FABP7: variants seen among roughly 807,000 people sequenced by gnomAD.
The protein encoded by FABP7 is fatty acid binding protein 7, also known as fatty acid-binding protein, brain.
In FABP7, 13 loss-of-function variants were observed where a neutral mutation model predicts 14.2. That is an observed-to-expected ratio of 0.91 (90% confidence interval 0.59 to 1.45). FABP7 has a LOEUF of 1.45. Among genes scored for constraint, FABP7 ranks in the 40% most tolerant of loss-of-function variants. The pLI is 0.00. For synonymous variants in FABP7, 49 were observed against 51.4 expected (o/e 0.95, Z 0.20); for missense variants, 149 against 157.6 (o/e 0.95, Z 0.29).
the FABP7 span, among the ~76,000 whole-genome samples, chr6:122,750,708 A>C: frequency 1.3e-5 from 2 of 152,224 alleles, no homozygotes; most frequent in African/African-American, 4.8e-5. Context: ...TAAACAAAGA[A>C]GACAAGAAAC....
Position 122,781,148 on chromosome 6 carries a change from A to C in FABP7, c.302A>C (p.Lys101Thr). The C allele has an allele frequency of 6.2e-7, 1 of 1,614,086 alleles. No individual in the cohort carries two copies. Among genetic ancestry groups the C allele is most frequent in the East Asian group, 2.2e-5 (1 of 44,862 alleles). Residue 101 changes from lysine to threonine, a missense_variant, in exon 3 of 4, where the codon AAA (lysine) becomes ACA (threonine). By Grantham distance (78) the Lys-to-Thr change is moderately conservative. Coordinates refer to ENST00000368444, the MANE Select transcript of FABP7 (RefSeq NM_001446.5). ...KLVHIQKWDGKETNFVREIKD... is the reference protein window; with the variant it reads ...KLVHIQKWDGTETNFVREIKD... ...GTTCACATACAGAAATGGGATGGCA[A>C]AGAAACAAATTTTGTAAGAGAAATT...
the FABP7 span, among the ~76,000 whole-genome samples, chr6:122,750,574 A>G: frequency 3.9e-5 from 6 of 152,136 alleles, no homozygotes; most frequent in African/African-American, 1.4e-4. Flanking sequence ...TTTGTTACCC[A>G]TGTCTTTGGA....
chr6:122,777,494 C>G (rs1296192979), upstream of FABP7, among the ~76,000 whole-genome samples: 3 of 152,092 alleles, frequency 2.0e-5, no homozygotes, highest in Non-Finnish European at 2.9e-5. Flanking sequence ...AACTGACAGG[C>G]ATTCATGTTA....
chr6:122,782,435 T>C, intron 3 of FABP7: 1 of 768,642 alleles, frequency 1.3e-6, no homozygotes, highest in Non-Finnish European at 1.6e-6. Flanking sequence ...GATCCATTTC[T>C]GACTCCATCT....
At chr6:122,778,378 T>C (rs1349171657), upstream of FABP7, among the ~76,000 whole-genome samples, 1 of 152,178 alleles carries the variant, frequency 6.6e-6, no homozygotes, top group Admixed American at 6.5e-5. Context: ...CTACAGTTTT[T>C]GTTAAACAAG....
chr6:122,780,259 T>C (rs1223081936), intron 1 of FABP7, 32 bp from the exon 2 acceptor site: 1 of 1,610,972 alleles, frequency 6.2e-7, no homozygotes, highest in Non-Finnish European at 8.5e-7. Context: ...TGGAAGTCGC[T>C]GCAGACTGTA....
Position 122,783,878 on chromosome 6 carries a change from T to C in FABP7, c.*111T>C. On this transcript the variant is annotated 3_prime_UTR_variant, in exon 4 of 4. Coordinates refer to ENST00000368444, the MANE Select transcript of FABP7 (RefSeq NM_001446.5). ...TCATTAATTAGAAGGTTATCCTTGG[T>C]GTGGAGGTGGAAAATGGTGATTTAA... The C allele has an allele frequency of 1.2e-6, 1 of 861,074 alleles. No individual in the cohort carries two copies. The allele number at this position is 861,074 out of a possible 1,614,324, so 53.3% of individuals were successfully genotyped here. A position where few individuals can be genotyped will look rare whatever the true frequency, so the allele number is the denominator to read the frequency against.
the FABP7 span, among the ~76,000 whole-genome samples, chr6:122,769,181 C>T: frequency 3.9e-5 from 6 of 152,126 alleles, no homozygotes; most frequent in Admixed American, 2.6e-4. Flanking sequence ...CATGAAAACT[C>T]ACCTCAGGGT....
At position 122,780,176 on chromosome 6, in the gene FABP7, G is replaced by A. The variant is rs1261097958; in HGVS notation, c.74-115G>A. 3.5e-6 allele frequency: 4 copies of A among 1,140,314 alleles called. No individual in the cohort carries two copies. In the East Asian group the frequency reaches 9.8e-5, roughly 28 times the overall value. The allele number at this position is 1,140,314 out of a possible 1,614,324, so 70.6% of individuals were successfully genotyped here. On this transcript the variant is annotated intron_variant, in intron 1 of 3. Coordinates refer to ENST00000368444, the MANE Select transcript of FABP7 (RefSeq NM_001446.5). Reference sequence around the variant, plus strand: ...TTTACATGATTAATGGGCTAATCATGTTCTAATGAAACTTACACTTTAGAA... The same window carrying A: ...TTTACATGATTAATGGGCTAATCATATTCTAATGAAACTTACACTTTAGAA...
At chr6:122,752,101 T>G in the FABP7 span, among the ~76,000 whole-genome samples, 1 of 152,028 alleles carries the variant, frequency 6.6e-6, no homozygotes, top group African/African-American at 2.4e-5. Context: ...CCAATTTTCT[T>G]TGTTAGCAAA....
At chr6:122,759,617 GA>G in the FABP7 span, among the ~76,000 whole-genome samples, 2 of 152,154 alleles carry the variant, frequency 1.3e-5, no homozygotes, top group South Asian at 4.2e-4. Context: ...GTTTAACTGT[GA>G]CAATAATGCT....
chr6:122,761,513 A>C, the FABP7 span, among the ~76,000 whole-genome samples: 3 of 152,184 alleles, frequency 2.0e-5, no homozygotes, highest in Admixed American at 1.3e-4. Flanking sequence ...ATCTTCTCGT[A>C]ATAGGATTTC....
the FABP7 span, among the ~76,000 whole-genome samples, chr6:122,768,855 G>A: frequency 6.6e-6 from 1 of 152,030 alleles, no homozygotes; most frequent in African/African-American, 2.4e-5. Context: ...TAAAAGAGAT[G>A]GCTACATTAC....
the FABP7 span, among the ~76,000 whole-genome samples, chr6:122,760,923 T>C: frequency 6.6e-6 from 1 of 152,178 alleles, no homozygotes; most frequent in Non-Finnish European, 1.5e-5. Context: ...GATTAGTACA[T>C]GGTTCCTCAT....
At chr6:122,753,886 C>T in the FABP7 span, among the ~76,000 whole-genome samples, 4 of 148,932 alleles carry the variant, frequency 2.7e-5, no homozygotes, top group Non-Finnish European at 5.9e-5. Flanking sequence ...CAGACAGCTA[C>T]CATTCAGAGG....
chr6:122,778,795 G>A (rs572654728), upstream of FABP7, among the ~76,000 whole-genome samples: 1 of 152,294 alleles, frequency 6.6e-6, no homozygotes, highest in East Asian at 1.9e-4. Context: ...CCCAACAAAT[G>A]TACACAGATT....
In FABP7 at chr6:122,779,886, G is replaced by A. The variant is rs1780740013; in HGVS notation, c.73+19G>A. ...GCTCTAGGTAGGTAACAATAAGACC[G>A]GCTGTTCTCTTCTCAACGTGCAGCT... On this transcript the variant is annotated intron_variant, in intron 1 of 3. Coordinates refer to ENST00000368444, the MANE Select transcript of FABP7 (RefSeq NM_001446.5). The A allele has an allele frequency of 1.2e-6, 2 of 1,609,802 alleles. No individual in the cohort carries two copies. The highest frequency in any genetic ancestry group is 1.1e-5 in the South Asian group (1 of 90,860).
At chr6:122,780,654 T>C (rs1780760921) in intron 2 of FABP7, 191 bp downstream of exon 2, 4 of 628,706 alleles carry the variant, frequency 6.4e-6, no homozygotes, top group Non-Finnish European at 1.1e-5. Context: ...TGCTATAGCA[T>C]AAATCTCAGT....
the FABP7 span, among the ~76,000 whole-genome samples, chr6:122,758,105 CTT>C: frequency 1.3e-4 from 15 of 118,362 alleles, no homozygotes; most frequent in Admixed American, 1.9e-4. Context: ...TATTATCTAG[CTT>C]TTTTTTTTTT....
Sources: gnomAD v4.1 joint callset for allele counts (sites outside exome capture counted in the v4.1 genomes callset) on GRCh38, gnomAD v4.1.1 for gene constraint, MANE v1.5 for transcripts, NCBI Gene and HGNC (gene_info 2026-07-23, HGNC 2026-07-21) for gene names.